Variants in DPP10 observed in about 807,000 individuals in gnomAD.
DPP10 encodes the protein dipeptidyl peptidase like 10.
DPP10 carries 33 observed loss-of-function variants against 120.9 expected under a neutral mutation model. The ratio of observed to expected loss-of-function variants is 0.27; its 90% confidence interval spans 0.21 to 0.37. The LOEUF (loss-of-function observed/expected upper bound fraction) is 0.37, where lower values mean the gene tolerates loss of function less well. Ranked by LOEUF, DPP10 falls within the 10% of genes least tolerant of loss-of-function variation. DPP10 has a pLI of 1.00. For missense variants in DPP10, 816 were observed against 942.8 expected, an observed-to-expected ratio of 0.87 and a Z score of 1.76; for synonymous variants, 337 against 326.1, an observed-to-expected ratio of 1.03 and a Z score of -0.36.
intron 3 of DPP10, among the ~76,000 whole-genome samples, chr2:115,467,830 G>C (rs2105138573): frequency 6.6e-6 from 1 of 152,260 alleles, no homozygotes; most frequent in South Asian, 2.1e-4. Flanking sequence ...AAAATTTATA[G>C]CTTTGTGTTC....
intron 19 of DPP10, among the ~76,000 whole-genome samples, chr2:115,802,605 T>C (rs1051890141): frequency 6.6e-6 from 1 of 152,228 alleles, no homozygotes; most frequent in Non-Finnish European, 1.5e-5. Context: ...GCTTTGAATG[T>C]GTCCCAGAGA....
intron 5 of DPP10, among the ~76,000 whole-genome samples, chr2:115,639,426 A>G (rs2086599815): frequency 6.6e-6 from 1 of 152,206 alleles, no homozygotes; most frequent in South Asian, 2.1e-4. Flanking sequence ...AGCAGTCTGC[A>G]AACTAGGAAG....
At chr2:114,579,882 T>C (rs933057253) in intron 1 of DPP10, among the ~76,000 whole-genome samples, 2 of 151,978 alleles carry the variant, frequency 1.3e-5, no homozygotes, top group Non-Finnish European at 2.9e-5. Flanking sequence ...CCTGGAGGAG[T>C]GCACCTATCA....
chr2:115,813,200 C>G (rs1001748110), intron 19 of DPP10, among the ~76,000 whole-genome samples: 23 of 146,638 alleles, frequency 1.6e-4, no homozygotes, highest in Non-Finnish European at 2.9e-4. Context: ...CCAGGATGGT[C>G]TCGATCTCCT....
Position 115,842,787 on chromosome 2 carries a change from T to G in DPP10, c.*442T>G, listed in dbSNP as rs1690281177. ...CACTTTACTGTACCTTTATAATAAG[T>G]GCAATTCTTTCATTGTCTATTATTA... is the stretch of plus-strand genomic sequence containing the variant. On this transcript the variant is annotated 3_prime_UTR_variant, in exon 26 of 26. Transcript: ENST00000410059. The G allele has an allele frequency of 6.5e-6, 1 of 153,098 alleles. No individual in the cohort carries two copies. The highest frequency in any genetic ancestry group is 1.5e-5 in the Non-Finnish European group (1 of 68,380). 9.5% of individuals were successfully genotyped at this position (153,098 alleles called of 1,614,324 possible).
intron 7 of DPP10, among the ~76,000 whole-genome samples, chr2:115,715,115 G>A (rs1348593542): frequency 3.3e-5 from 5 of 151,158 alleles, no homozygotes; most frequent in Admixed American, 1.3e-4. Context: ...CGAGGGAGGC[G>A]GATCACCTGA....
At chr2:114,923,711 C>A (rs1168123023) in intron 1 of DPP10, among the ~76,000 whole-genome samples, 11 of 151,138 alleles carry the variant, frequency 7.3e-5, no homozygotes, top group Admixed American at 7.3e-4. Flanking sequence ...CATGATCCGC[C>A]CGCCTTGGCC....
chr2:114,730,736 G>A (rs959260364), intron 1 of DPP10, among the ~76,000 whole-genome samples: 5 of 152,086 alleles, frequency 3.3e-5, no homozygotes, highest in South Asian at 4.2e-4. Context: ...TGGGACTACC[G>A]ACATGCACCA....
Position 114,957,311 on chromosome 2 carries a change from A to C in DPP10, c.61-351928A>C, listed in dbSNP as rs1333803058. 3.3e-5 allele frequency among the ~76,000 whole-genome samples: 5 copies of C among 151,994 alleles called. No individual in the cohort carries two copies. The East Asian group carries it at 7.7e-4, about 23-fold the overall frequency. On this transcript the variant is annotated intron_variant, in intron 1 of 25. Transcript: ENST00000410059. ...CAAGAGAAGACATATATATTTTGTA[A>C]TATATATTTTGTAATATATTTTGTA...
At chr2:115,297,812 C>T (rs1172745485) in intron 1 of DPP10, among the ~76,000 whole-genome samples, 1 of 152,054 alleles carries the variant, frequency 6.6e-6, no homozygotes, top group Non-Finnish European at 1.5e-5. Context: ...TGAAATCAAG[C>T]TTAAAGATGA....
At chr2:115,639,663 A>G (rs1310875808) in intron 5 of DPP10, among the ~76,000 whole-genome samples, 1 of 152,122 alleles carries the variant, frequency 6.6e-6, no homozygotes, top group African/African-American at 2.4e-5. Context: ...TATAAAGAGC[A>G]GGAGATAAAT....
At chr2:114,640,376 GC>G (rs1193473614) in intron 1 of DPP10, among the ~76,000 whole-genome samples, 1 of 151,798 alleles carries the variant, frequency 6.6e-6, no homozygotes, top group Non-Finnish European at 1.5e-5. Flanking sequence ...TATCTTCCTT[GC>G]CCATTTTATT....
chr2:114,837,882 A>G (rs1165724206), intron 1 of DPP10, among the ~76,000 whole-genome samples: 1 of 152,220 alleles, frequency 6.6e-6, no homozygotes, highest in Admixed American at 6.5e-5. Context: ...GGTGGATACA[A>G]CAGCAGCCCA....
At chr2:115,620,966 A>G (rs182451900) in intron 5 of DPP10, among the ~76,000 whole-genome samples, 56 of 152,004 alleles carry the variant, frequency 3.7e-4, no homozygotes, top group African/African-American at 1.3e-3. Flanking sequence ...AATCTTAAAA[A>G]CCTCCAGAGA....
intron 7 of DPP10, among the ~76,000 whole-genome samples, chr2:115,700,616 A>T (rs1280167304): frequency 6.6e-6 from 1 of 152,106 alleles, no homozygotes; most frequent in Non-Finnish European, 1.5e-5. Flanking sequence ...AATAAAATCA[A>T]TTCAAATGGA....
At chr2:115,332,921 T>C (rs1263106392) in intron 2 of DPP10, among the ~76,000 whole-genome samples, 1 of 152,204 alleles carries the variant, frequency 6.6e-6, no homozygotes, top group East Asian at 1.9e-4. Flanking sequence ...TGGAGAGTTC[T>C]GTAGATGTCT....
intron 1 of DPP10, among the ~76,000 whole-genome samples, chr2:114,954,744 G>C (rs139557828): frequency 6.6e-6 from 1 of 151,692 alleles, no homozygotes; most frequent in Non-Finnish European, 1.5e-5. Flanking sequence ...AGAGAGAAAG[G>C]ACTGAAATAA....
chr2:115,656,236 A>G (rs994413509), intron 5 of DPP10, among the ~76,000 whole-genome samples: 20 of 151,500 alleles, frequency 1.3e-4, no homozygotes, highest in African/African-American at 4.4e-4. Flanking sequence ...ATCAAATTGT[A>G]TATATTTAAT....
intron 1 of DPP10, among the ~76,000 whole-genome samples, chr2:114,666,888 A>G (rs191477919): frequency 1.5e-4 from 23 of 152,388 alleles, no homozygotes; most frequent in African/African-American, 5.5e-4. Flanking sequence ...ATATAATAAC[A>G]TGCTCATTAA....
Sources: allele counts gnomAD v4.1 joint callset (sites outside exome capture counted in the v4.1 genomes callset), GRCh38; gene constraint gnomAD v4.1.1; transcripts MANE v1.5; gene names NCBI Gene and HGNC (gene_info 2026-07-23, HGNC 2026-07-21).